The following NRG1 variants were observed in gnomAD, a reference collection of about 807,000 sequenced individuals.
NRG1 encodes the protein neuregulin 1, also known as pro-neuregulin-1, membrane-bound isoform.
NRG1 carries 18 observed loss-of-function variants against 63.8 expected under a neutral mutation model. The observed-to-expected ratio is 0.28, with a 90% CI of 0.19 to 0.42. The LOEUF (loss-of-function observed/expected upper bound fraction) is 0.42, where lower values mean the gene tolerates loss of function less well. NRG1 is among the 10% of genes least tolerant of loss of function. NRG1 has a pLI of 1.00. For synonymous variants in NRG1, 302 were observed against 301.3 expected (o/e 1.00, Z -0.02); for missense variants, 762 against 814.7 (o/e 0.94, Z 0.79).
At chr8:31,742,964 T>G (rs2131410183) in intron 1 of NRG1, among the ~76,000 whole-genome samples, 1 of 152,160 alleles carries the variant, frequency 6.6e-6, no homozygotes, top group Middle Eastern at 3.4e-3. Flanking sequence ...AGACAGATTT[T>G]TTTTTCAATA....
intron 1 of NRG1, among the ~76,000 whole-genome samples, chr8:32,573,072 A>G (rs2129529046): frequency 6.6e-6 from 1 of 152,260 alleles, no homozygotes; most frequent in East Asian, 1.9e-4. Context: ...CCTTATCTGA[A>G]TGGGGTTCTA....
At chr8:32,670,576 A>C (rs772863209) in intron 5 of NRG1, among the ~76,000 whole-genome samples, 1 of 152,234 alleles carries the variant, frequency 6.6e-6, no homozygotes, top group Non-Finnish European at 1.5e-5. Flanking sequence ...AAACATATCA[A>C]GATATTAGAA....
chr8:32,714,982 AT>A (rs1052013889), intron 5 of NRG1, among the ~76,000 whole-genome samples: 6 of 151,754 alleles, frequency 4.0e-5, no homozygotes, highest in East Asian at 3.9e-4. Context: ...AGGATTGCTG[AT>A]TTTTTTTTAA....
At chr8:32,692,033 G>A (rs1209698897) in intron 5 of NRG1, among the ~76,000 whole-genome samples, 1 of 152,010 alleles carries the variant, frequency 6.6e-6, no homozygotes, top group Non-Finnish European at 1.5e-5. Context: ...AAACCTTTAA[G>A]GTCTATTTCT....
intron 1 of NRG1, among the ~76,000 whole-genome samples, chr8:31,927,681 C>T (rs1742497064): frequency 2.0e-5 from 3 of 149,184 alleles, no homozygotes; most frequent in Admixed American, 2.0e-4. Flanking sequence ...ATCTCCTGAC[C>T]TCGTGATCCG....
intron 1 of NRG1, among the ~76,000 whole-genome samples, chr8:31,986,789 T>G (rs1478018928): frequency 6.6e-6 from 1 of 152,102 alleles, no homozygotes; most frequent in Non-Finnish European, 1.5e-5. Flanking sequence ...CTCTCTTTCT[T>G]GTATGCTTCT....
intron 1 of NRG1, chr8:32,441,135 CT>C (rs766084800): frequency 2.0e-4 from 31 of 152,056 alleles, no homozygotes; most frequent in Non-Finnish European, 2.8e-4. Flanking sequence ...GAGAAAAGAC[CT>C]TAGTGTTCTC....
chr8:32,032,240 G>A (rs1818363755), intron 1 of NRG1, among the ~76,000 whole-genome samples: 1 of 151,914 alleles, frequency 6.6e-6, no homozygotes, highest in African/African-American at 2.4e-5. Context: ...TTAGCTGCAT[G>A]AATGTCTTCT....
At chr8:32,360,372 A>C (rs974638711) in intron 1 of NRG1, among the ~76,000 whole-genome samples, 4 of 152,230 alleles carry the variant, frequency 2.6e-5, no homozygotes, top group Non-Finnish European at 5.9e-5. Context: ...AAGCTATGCT[A>C]AATACCAATT....
At chr8:32,157,889 G>A (rs1483470421) in intron 1 of NRG1, among the ~76,000 whole-genome samples, 2 of 151,976 alleles carry the variant, frequency 1.3e-5, no homozygotes, top group Non-Finnish European at 2.9e-5. Context: ...TTACAATTGG[G>A]ACAGGAAACG....
chr8:31,973,465 G>A (rs1304438162), intron 1 of NRG1, among the ~76,000 whole-genome samples: 1 of 152,154 alleles, frequency 6.6e-6, no homozygotes, highest in East Asian at 1.9e-4. Flanking sequence ...AATTGAGAAG[G>A]GAGTAGAGAG....
At chr8:32,009,390 T>C (rs1223962295) in intron 1 of NRG1, among the ~76,000 whole-genome samples, 2 of 152,078 alleles carry the variant, frequency 1.3e-5, no homozygotes, top group Non-Finnish European at 2.9e-5. Context: ...CATTTGAGTG[T>C]GTACTCTATG....
At chr8:32,661,310 G>A (rs1589049740) in intron 5 of NRG1, among the ~76,000 whole-genome samples, 1 of 152,166 alleles carries the variant, frequency 6.6e-6, no homozygotes, top group Non-Finnish European at 1.5e-5. Context: ...TTTGAATTCT[G>A]CAATGCTATC....
rs376239462 is a variant in NRG1, at chr8:32,382,987, T to C, written c.38-212841T>C. 2.5e-3 allele frequency among the ~76,000 whole-genome samples: 378 copies of C among 151,620 alleles called. 3 individuals carry two copies. The highest frequency in any genetic ancestry group is 8.9e-3 in the African/African-American group (367 of 41,304). On this transcript the variant is annotated intron_variant, in intron 1 of 10. Transcript: ENST00000519301. ...CTGTAATCTCAGCACTTTGGAAGAC[T>C]GAGGCAGGAGGATCATTTGAGGCCG...
At chr8:32,278,423 A>G (rs1210920930) in intron 1 of NRG1, among the ~76,000 whole-genome samples, 1 of 152,188 alleles carries the variant, frequency 6.6e-6, no homozygotes, top group Admixed American at 6.5e-5. Flanking sequence ...AACTGAAACA[A>G]CTAAAATTAG....
chr8:31,729,734 C>G (rs1813828986), intron 1 of NRG1, among the ~76,000 whole-genome samples: 1 of 151,928 alleles, frequency 6.6e-6, no homozygotes, highest in Non-Finnish European at 1.5e-5. Flanking sequence ...GAAATCAGGG[C>G]AAACAGAATG....
chr8:32,045,948 T>C (rs2130746811), intron 1 of NRG1, among the ~76,000 whole-genome samples: 1 of 152,152 alleles, frequency 6.6e-6, no homozygotes, highest in South Asian at 2.1e-4. Context: ...TAAATTGGAC[T>C]TTATACAAAT....
intron 1 of NRG1, among the ~76,000 whole-genome samples, chr8:31,657,277 C>T (rs1805520267): frequency 1.3e-5 from 2 of 151,980 alleles, no homozygotes; most frequent in African/African-American, 4.8e-5. Flanking sequence ...TTTCTGAAAA[C>T]CACACGTTAC....
chr8:32,158,338 G>A (rs1304630992), intron 1 of NRG1, among the ~76,000 whole-genome samples: 1 of 150,736 alleles, frequency 6.6e-6, no homozygotes, highest in Non-Finnish European at 1.5e-5. Context: ...TAAGAATGAG[G>A]TAATAGGAAT....
Sources: gnomAD v4.1 joint callset for allele counts (sites outside exome capture counted in the v4.1 genomes callset) on GRCh38, gnomAD v4.1.1 for gene constraint, MANE v1.5 for transcripts, NCBI Gene and HGNC (gene_info 2026-07-23, HGNC 2026-07-21) for gene names.